Variants in ARHGAP42 observed in about 807,000 individuals in gnomAD.
ARHGAP42 encodes Rho GTPase activating protein 42.
A neutral mutation model predicts 125.0 loss-of-function variants in ARHGAP42; 63 were observed. The ratio of observed to expected loss-of-function variants is 0.50; its 90% CI spans 0.41 to 0.62. The LOEUF is 0.62. Among genes scored for constraint, ARHGAP42 ranks in the 20% least tolerant of loss-of-function variants. The probability of loss-of-function intolerance (pLI) is 0.00; values close to 1 mark genes in which losing one functional copy is unlikely to be tolerated. For synonymous variants in ARHGAP42, 339 were observed against 351.0 expected, an observed-to-expected ratio of 0.97 and a Z score of 0.38; for missense variants, 766 against 1,024.2, an observed-to-expected ratio of 0.75 and a Z score of 3.44.
At chr11:100,717,390 C>T (rs1861681334) in intron 1 of ARHGAP42, among the ~76,000 whole-genome samples, 2 of 152,128 alleles carry the variant, frequency 1.3e-5, no homozygotes, top group African/African-American at 4.8e-5. Context: ...GTAATCCCAG[C>T]ACTTTGGGAG....
chr11:100,698,407 G>A (rs11224394), intron 1 of ARHGAP42, among the ~76,000 whole-genome samples: 4 of 152,262 alleles, frequency 2.6e-5, no homozygotes, highest in East Asian at 1.9e-4. Context: ...GGAGGTCCGC[G>A]CTGCAGTGAG....
intron 1 of ARHGAP42, among the ~76,000 whole-genome samples, chr11:100,689,184 G>T (rs1337171066): frequency 2.0e-5 from 3 of 152,144 alleles, no homozygotes; most frequent in Admixed American, 2.0e-4. Flanking sequence ...TGAATTTGAG[G>T]CTACTACTAA....
chr11:100,773,444 T>C (rs966813459), intron 2 of ARHGAP42, among the ~76,000 whole-genome samples: 1 of 152,242 alleles, frequency 6.6e-6, no homozygotes, highest in Non-Finnish European at 1.5e-5. Context: ...CAGGTTCATA[T>C]ACATGAATTT....
intron 22 of ARHGAP42, among the ~76,000 whole-genome samples, chr11:100,984,830 A>G (rs1489534410): frequency 6.6e-6 from 1 of 152,094 alleles, no homozygotes; most frequent in Non-Finnish European, 1.5e-5. Context: ...TGTTATTTTC[A>G]CATCCTCTTC....
chr11:100,940,319 A>G (rs1324221270), intron 8 of ARHGAP42, among the ~76,000 whole-genome samples: 2 of 152,190 alleles, frequency 1.3e-5, no homozygotes, highest in Non-Finnish European at 2.9e-5. Flanking sequence ...AAACATGTGC[A>G]TAGTAGCTGC....
rs1012152884 is a variant in ARHGAP42, at chr11:100,687,801, G to A, written c.123G>A (p.Lys41=). ...ACAAGTTCATCAAGGAGCTCATTAA[G>A]GACGGCTCTCTGCTCATTGGGGCGT... The part of the protein sequence containing the change: ...RTNKFIKELI[K]DGSLLIGALR... The change falls in exon 1 of 24, where the codon AAG becomes AAA. Residue 41 remains lysine, a synonymous_variant. Coordinates refer to ENST00000298815, the MANE Select transcript of ARHGAP42 (RefSeq NM_152432.4). 24 of 1,550,718 alleles carry A rather than the reference G, an allele frequency of 1.5e-5. No homozygotes were observed. Among genetic ancestry groups the A allele is most frequent in the Non-Finnish European group, 2.0e-5 (23 of 1,146,462 alleles).
chr11:100,752,217 AG>A (rs1862477294), intron 1 of ARHGAP42, among the ~76,000 whole-genome samples: 1 of 152,142 alleles, frequency 6.6e-6, no homozygotes, highest in Non-Finnish European at 1.5e-5. Flanking sequence ...TGATCCAGAA[AG>A]GTTATCTATA....
intron 1 of ARHGAP42, among the ~76,000 whole-genome samples, chr11:100,723,324 G>C (rs1326443914): frequency 1.3e-5 from 2 of 152,142 alleles, no homozygotes; most frequent in Non-Finnish European, 2.9e-5. Context: ...ACTGCTTGCT[G>C]GGATTTTGAT....
At chr11:100,890,479 C>T (rs778411961) in intron 4 of ARHGAP42, among the ~76,000 whole-genome samples, 4 of 152,104 alleles carry the variant, frequency 2.6e-5, no homozygotes, top group Non-Finnish European at 5.9e-5. Context: ...AAGTACCATT[C>T]ATATTCGTAT....
At chr11:100,913,626 A>C in intron 5 of ARHGAP42, 73 bp downstream of exon 5, 1 of 662,898 alleles carries the variant, frequency 1.5e-6, no homozygotes, top group South Asian at 1.9e-5. Flanking sequence ...AGGTAAAACT[A>C]TCTCAAAATC....
rs578242956 is a variant in ARHGAP42, at chr11:100,699,679, C to T, written c.154+11847C>T. ...CTGGGATTACAGAGGTGCGCCACCACGCCCAGCAAATTTTTGTATTTTTAG... is the reference window on the plus strand; with the variant it reads ...CTGGGATTACAGAGGTGCGCCACCATGCCCAGCAAATTTTTGTATTTTTAG... On this transcript the variant is annotated intron_variant, in intron 1 of 23. Coordinates refer to ENST00000298815, the MANE Select transcript of ARHGAP42 (RefSeq NM_152432.4). 7.3e-5 allele frequency among the ~76,000 whole-genome samples: 11 copies of T among 151,286 alleles called. No homozygotes were observed. The South Asian group carries it at 1.7e-3, about 23-fold the overall frequency.
intron 1 of ARHGAP42, among the ~76,000 whole-genome samples, chr11:100,714,167 C>A (rs1444673235): frequency 2.6e-5 from 4 of 152,012 alleles, no homozygotes; most frequent in African/African-American, 9.7e-5. Flanking sequence ...TTGTGAAAAT[C>A]TTTTTAGCAG....
chr11:100,824,024 G>A (rs1246108948), intron 3 of ARHGAP42, among the ~76,000 whole-genome samples: 2 of 152,094 alleles, frequency 1.3e-5, no homozygotes, highest in African/African-American at 2.4e-5. Context: ...AAAAAAGTAA[G>A]GGCATTATTT....
intron 12 of ARHGAP42, among the ~76,000 whole-genome samples, chr11:100,957,487 C>T (rs1390169459): frequency 6.6e-6 from 1 of 152,040 alleles, no homozygotes; most frequent in Non-Finnish European, 1.5e-5. Context: ...AGCAGTGATA[C>T]TAGAGCTGAG....
intron 12 of ARHGAP42, among the ~76,000 whole-genome samples, chr11:100,950,523 A>C (rs2135284418): frequency 6.6e-6 from 1 of 151,834 alleles, no homozygotes; most frequent in South Asian, 2.1e-4. Context: ...CCTTGTCATT[A>C]CACATGGTAT....
chr11:100,761,841 G>A (rs111571814), intron 1 of ARHGAP42, among the ~76,000 whole-genome samples: 1,986 of 152,270 alleles, frequency 0.013, 35 homozygotes, highest in African/African-American at 0.043. Context: ...TCAAGTTTCT[G>A]TTCTATACCA....
At chr11:100,741,997 C>A (rs1275219444) in intron 1 of ARHGAP42, among the ~76,000 whole-genome samples, 1 of 152,174 alleles carries the variant, frequency 6.6e-6, no homozygotes, top group African/African-American at 2.4e-5. Context: ...CCTTAGTGAT[C>A]TCTTTGGGCA....
At chr11:100,888,465 G>T (rs1162740969) in intron 4 of ARHGAP42, among the ~76,000 whole-genome samples, 2 of 151,922 alleles carry the variant, frequency 1.3e-5, no homozygotes, top group Non-Finnish European at 2.9e-5. Flanking sequence ...GTGGGCTGGG[G>T]GTTATATATG....
At chr11:100,879,221 G>T (rs1449707718) in intron 4 of ARHGAP42, among the ~76,000 whole-genome samples, 2 of 152,102 alleles carry the variant, frequency 1.3e-5, no homozygotes, top group African/African-American at 4.8e-5. Flanking sequence ...ACAAGTTTTA[G>T]AAGCACTGCT....
Sources: gnomAD v4.1 joint callset for allele counts (sites outside exome capture counted in the v4.1 genomes callset) on GRCh38, gnomAD v4.1.1 for gene constraint, MANE v1.5 for transcripts, NCBI Gene and HGNC (gene_info 2026-07-23, HGNC 2026-07-21) for gene names.